The following CSMD1 variants were observed in gnomAD, a reference collection of about 807,000 sequenced individuals.
The protein encoded by CSMD1 is CUB and sushi domain-containing protein 1.
In CSMD1, 213 loss-of-function variants were observed where a neutral mutation model predicts 417.5. The observed-to-expected ratio is 0.51, with a 90% CI of 0.46 to 0.57. The LOEUF is 0.57. Among genes scored for constraint, CSMD1 ranks in the 20% least tolerant of loss-of-function variants. CSMD1 has a pLI of 0.00. For synonymous variants in CSMD1, 2,862 were observed against 1,736.8 expected, an observed-to-expected ratio of 1.65 and a Z score of -16.11; for missense variants, 6,923 against 4,529.7, an observed-to-expected ratio of 1.53 and a Z score of -15.17.
chr8:4,195,012 C>T lies in CSMD1; in HGVS notation c.416-162913G>A, dbSNP rs147550700. 5.2e-3 allele frequency among the ~76,000 whole-genome samples: 794 copies of T among 151,884 alleles called. 12 individuals carry two copies. The highest frequency in any genetic ancestry group is 0.017 in the African/African-American group (718 of 41,166). ...CATCTGGGAATTTTCCATCTCTTCA[C>T]ATTGTAACTTTTTTCACTATCTACA... is the stretch of plus-strand genomic sequence containing the variant. On this transcript the variant is annotated intron_variant, in intron 3 of 69. Coordinates refer to ENST00000635120, the MANE Select transcript of CSMD1 (RefSeq NM_033225.6).
At chr8:4,805,197 C>T (rs1355202813) in intron 1 of CSMD1, among the ~76,000 whole-genome samples, 1 of 152,146 alleles carries the variant, frequency 6.6e-6, no homozygotes, top group Non-Finnish European at 1.5e-5. Flanking sequence ...GAGATAATAT[C>T]TGCGATAATC....
rs1396710181 is a variant in CSMD1 at position 3,795,421 on chromosome 8, C to A, written c.819-41379G>T. On this transcript the variant is annotated intron_variant, in intron 5 of 69. Coordinates refer to ENST00000635120, the MANE Select transcript of CSMD1 (RefSeq NM_033225.6). ...ATCTATCATAGATATAGATATATAT[C>A]TATCATAGATATAGATATATATCTA... Among the ~76,000 whole-genome samples the A allele has an allele frequency of 4.7e-4, 15 of 32,090 alleles. 6 individuals carry two copies. Among genetic ancestry groups the A allele is most frequent in the African/African-American group, 1.5e-3 (13 of 8,858 alleles). The allele number at this position is 32,090 out of a possible 152,430, so 21.1% of individuals were successfully genotyped here.
intron 1 of CSMD1, among the ~76,000 whole-genome samples, chr8:4,770,512 T>C (rs1238816812): frequency 6.6e-6 from 1 of 151,626 alleles, no homozygotes; most frequent in Non-Finnish European, 1.5e-5. Context: ...GCCAAAGCAA[T>C]TCTGAGAAAA....
Position 4,142,135 on chromosome 8 carries a change from G to A in CSMD1, c.416-110036C>T, listed in dbSNP as rs887401888. Among the ~76,000 whole-genome samples, 29 of 151,014 alleles carry A rather than the reference G, an allele frequency of 1.9e-4. 2 individuals carry two copies. The highest frequency in any genetic ancestry group is 7.2e-4 in the African/African-American group (29 of 40,396). ...CATTTGTTAGCAGATATCCACATAT[G>A]TAAAACATATGTTAAAAATGATACT... On this transcript the variant is annotated intron_variant, in intron 3 of 69. Transcript: ENST00000635120.
chr8:3,597,284 G>C (rs903919251), intron 8 of CSMD1, among the ~76,000 whole-genome samples: 7 of 152,034 alleles, frequency 4.6e-5, no homozygotes, highest in Admixed American at 3.9e-4. Flanking sequence ...CATCTCCCTG[G>C]GCTGATTCTG....
At chr8:3,630,870 G>A (rs79651736) in intron 7 of CSMD1, among the ~76,000 whole-genome samples, 6 of 152,146 alleles carry the variant, frequency 3.9e-5, no homozygotes, top group African/African-American at 1.4e-4. Flanking sequence ...ACCTCAGTTG[G>A]TCTGTTGGTT....
intron 49 of CSMD1, among the ~76,000 whole-genome samples, chr8:3,080,394 G>A (rs569806582): frequency 5.3e-5 from 8 of 152,320 alleles, no homozygotes; most frequent in African/African-American, 9.6e-5. Flanking sequence ...TATCAAGGTC[G>A]ATAAGAACCA....
At position 3,391,570 on chromosome 8, in the gene CSMD1, T is replaced by C. The variant is rs186690503; in HGVS notation, c.2594-3888A>G. 4.6e-5 allele frequency among the ~76,000 whole-genome samples: 7 copies of C among 152,278 alleles called. No individual in the cohort carries two copies. In the East Asian group the frequency reaches 1.2e-3, roughly 25 times the overall value. ...GCTAGACTGTCGCTGGACACTAACA[T>C]ATGAGATGATTCCTAAGACTGAGTG... On this transcript the variant is annotated intron_variant, in intron 17 of 69. Transcript: ENST00000635120.
intron 3 of CSMD1, among the ~76,000 whole-genome samples, chr8:4,156,481 T>C (rs538252688): frequency 6.6e-6 from 1 of 152,294 alleles, no homozygotes; most frequent in East Asian, 1.9e-4. Flanking sequence ...AGCATTTTTA[T>C]GTCCAATTCT....
chr8:4,593,037 AG>A (rs1800068696), intron 2 of CSMD1, among the ~76,000 whole-genome samples: 1 of 152,120 alleles, frequency 6.6e-6, no homozygotes, highest in African/African-American at 2.4e-5. Context: ...TACATGCTGG[AG>A]GGGTTTGTAA....
At chr8:4,881,123 G>A (rs113168796) in intron 1 of CSMD1, among the ~76,000 whole-genome samples, 2 of 152,010 alleles carry the variant, frequency 1.3e-5, no homozygotes, top group East Asian at 1.9e-4. Context: ...AGTATCACTG[G>A]CAATTATAAT....
chr8:4,831,769 G>C (rs1211591900), intron 1 of CSMD1, among the ~76,000 whole-genome samples: 1 of 152,098 alleles, frequency 6.6e-6, no homozygotes, highest in Non-Finnish European at 1.5e-5. Flanking sequence ...TACAACTTTA[G>C]GGAGATGACT....
At chr8:3,259,705 G>A (rs28363679) in intron 26 of CSMD1, among the ~76,000 whole-genome samples, 47,561 of 151,990 alleles carry the variant, frequency 0.31, 7,632 homozygotes, top group Admixed American at 0.36. Context: ...TGAGTCTAAT[G>A]CAAATACTAA....
chr8:3,177,146 A>G (rs1820985486), intron 37 of CSMD1, among the ~76,000 whole-genome samples: 1 of 152,176 alleles, frequency 6.6e-6, no homozygotes, highest in Non-Finnish European at 1.5e-5. Context: ...GTGTGAAGCA[A>G]AACAATGGGG....
chr8:4,353,790 C>T (rs974480174), intron 3 of CSMD1, among the ~76,000 whole-genome samples: 2 of 152,102 alleles, frequency 1.3e-5, no homozygotes, highest in South Asian at 2.1e-4. Context: ...TATTTGCTGG[C>T]TTATAAATGG....
chr8:4,684,209 A>G (rs886887959), intron 1 of CSMD1, among the ~76,000 whole-genome samples: 7 of 152,252 alleles, frequency 4.6e-5, no homozygotes, highest in African/African-American at 1.7e-4. Flanking sequence ...GGACACGAGA[A>G]GTTCAGTGGA....
intron 6 of CSMD1, among the ~76,000 whole-genome samples, chr8:3,711,748 A>T (rs1801520542): frequency 6.6e-6 from 1 of 152,052 alleles, no homozygotes; most frequent in East Asian, 1.9e-4. Flanking sequence ...CAAACGTATC[A>T]CCCCCACTAT....
chr8:4,160,984 T>C (rs1797124273), intron 3 of CSMD1, among the ~76,000 whole-genome samples: 1 of 152,206 alleles, frequency 6.6e-6, no homozygotes, highest in Non-Finnish European at 1.5e-5. Flanking sequence ...TGTTAATTAT[T>C]CTTTGGTGAT....
At chr8:4,371,531 A>G (rs530537356) in intron 3 of CSMD1, among the ~76,000 whole-genome samples, 1 of 152,324 alleles carries the variant, frequency 6.6e-6, no homozygotes, top group South Asian at 2.1e-4. Context: ...GCAAAGAGAC[A>G]ATATCGTTAT....
Sources: allele counts gnomAD v4.1 joint callset (sites outside exome capture counted in the v4.1 genomes callset), GRCh38; gene constraint gnomAD v4.1.1; transcripts MANE v1.5; gene names NCBI Gene and HGNC (gene_info 2026-07-23, HGNC 2026-07-21).